Variants in WWP1 observed in about 807,000 individuals in gnomAD.
WWP1 encodes the protein WW domain containing E3 ubiquitin protein ligase 1, also known as NEDD4-like E3 ubiquitin-protein ligase WWP1.
A neutral mutation model predicts 130.6 loss-of-function variants in WWP1; 49 were observed. The observed-to-expected ratio is 0.38, with a 90% CI of 0.30 to 0.48. The LOEUF is 0.48. Among genes scored for constraint, WWP1 ranks in the 20% least tolerant of loss-of-function variants. WWP1 has a pLI of 0.99. For synonymous variants in WWP1, 332 were observed against 367.8 expected (o/e 0.90, Z 1.11); for missense variants, 809 against 1,100.6 (o/e 0.74, Z 3.75).
intron 5 of WWP1, among the ~76,000 whole-genome samples, chr8:86,396,678 C>T (rs905014156): frequency 2.0e-5 from 3 of 151,256 alleles, no homozygotes; most frequent in Admixed American, 6.6e-5. Context: ...GCTGCAGCCT[C>T]GAACTCCTGG....
At chr8:86,458,121 C>T (rs1811558114) in intron 22 of WWP1, 96 bp downstream of exon 22, 2 of 953,952 alleles carry the variant, frequency 2.1e-6, no homozygotes, top group Middle Eastern at 2.5e-4. Flanking sequence ...ATTGAGACTG[C>T]TTTTGGACAC....
At chr8:86,357,179 C>G (rs1159939532) in intron 1 of WWP1, among the ~76,000 whole-genome samples, 1 of 152,100 alleles carries the variant, frequency 6.6e-6, no homozygotes, top group Non-Finnish European at 1.5e-5. Flanking sequence ...TCAATATGTT[C>G]TATGTTCCAA....
rs1435944422 is a variant in WWP1 at position 86,425,245 on chromosome 8, C to G, written c.1084C>G (p.His362Asp). 1 of 1,611,430 alleles carries G rather than the reference C, an allele frequency of 6.2e-7. No homozygotes were observed. The highest frequency in any genetic ancestry group is 1.1e-5 in the South Asian group (1 of 90,318). The change falls in exon 10 of 25, where the codon CAT becomes GAT. Residue 362 changes from histidine to aspartate, a missense_variant. Physicochemically the swap from His to Asp is moderately conservative, Grantham distance 81 (BLOSUM62 -1). Transcript: ENST00000517970. ...AAGGTGGGAACAAAGAAAAGATCCTCATGGTAGAACCTATTATGTGGATCA... is the reference window on the plus strand; with the variant it reads ...AAGGTGGGAACAAAGAAAAGATCCTGATGGTAGAACCTATTATGTGGATCA... ...PSGWEQRKDPHGRTYYVDHNT... is the reference protein window; with the variant it reads ...PSGWEQRKDPDGRTYYVDHNT...
At chr8:86,448,762 G>A (rs577925558) in intron 20 of WWP1, among the ~76,000 whole-genome samples, 38 of 152,222 alleles carry the variant, frequency 2.5e-4, no homozygotes, top group South Asian at 1.2e-3. Flanking sequence ...GCTCACCACA[G>A]CCTGTTTCTT....
intron 5 of WWP1, chr8:86,386,725 G>C (rs1424978638): frequency 6.6e-6 from 1 of 152,138 alleles, no homozygotes; most frequent in Non-Finnish European, 1.5e-5. Flanking sequence ...GTATCATTCA[G>C]TTACAGGGAT....
intron 1 of WWP1, among the ~76,000 whole-genome samples, chr8:86,363,794 CAAA>C (rs375454489): frequency 1.6e-4 from 9 of 57,588 alleles, no homozygotes; most frequent in African/African-American, 6.6e-5. Flanking sequence ...GACTCCATCT[CAAA>C]AAAAAAAAAA....
At chr8:86,454,581 G>A (rs562928991) in intron 21 of WWP1, among the ~76,000 whole-genome samples, 1 of 152,152 alleles carries the variant, frequency 6.6e-6, no homozygotes, top group East Asian at 1.9e-4. Flanking sequence ...ATCTGAAGAT[G>A]GACATCTTGC....
chr8:86,430,798 C>CATATATATATAT (rs36226595), intron 12 of WWP1, 47 bp downstream of exon 12: 31 of 202,164 alleles, frequency 1.5e-4, no homozygotes, highest in Middle Eastern at 2.1e-3. Context: ...TATATCTCTC[C>CATATATATATAT]ATATATATAT....
chr8:86,386,746 C>A (rs2130399212), intron 5 of WWP1: 1 of 152,210 alleles, frequency 6.6e-6, no homozygotes, highest in Admixed American at 6.5e-5. Flanking sequence ...TCAATTTTTT[C>A]CGTAGATACT....
chr8:86,415,705 G>C (rs1020535895), intron 9 of WWP1, among the ~76,000 whole-genome samples: 1 of 152,096 alleles, frequency 6.6e-6, no homozygotes, highest in African/African-American at 2.4e-5. Flanking sequence ...TTCTACTATA[G>C]ATTAATTTTC....
chr8:86,406,460 A>T (rs1175152446), intron 8 of WWP1, among the ~76,000 whole-genome samples: 3 of 152,122 alleles, frequency 2.0e-5, no homozygotes, highest in Admixed American at 2.0e-4. Flanking sequence ...AGTTTATTAT[A>T]TTTTTTTCTT....
At chr8:86,423,538 G>A (rs1809354782) in intron 9 of WWP1, among the ~76,000 whole-genome samples, 1 of 152,166 alleles carries the variant, frequency 6.6e-6, no homozygotes, top group Admixed American at 6.5e-5. Context: ...CACAGGGTTG[G>A]GGGCAAGGTC....
In WWP1 at chr8:86,442,431, G is replaced by A. The variant is rs563683586; in HGVS notation, c.1839-188G>A. On this transcript the variant is annotated intron_variant, in intron 17 of 24. Coordinates refer to ENST00000517970, the MANE Select transcript of WWP1 (RefSeq NM_007013.4). ...AGTGAATTTGTAGTTTGGCCACATCGAAACTAGCAGGTAACTTAAATGGAG... is the reference window on the plus strand; with the variant it reads ...AGTGAATTTGTAGTTTGGCCACATCAAAACTAGCAGGTAACTTAAATGGAG... 15 of 425,680 alleles carry A rather than the reference G, an allele frequency of 3.5e-5. No homozygotes were observed. The South Asian group carries it at 3.8e-4, about 11-fold the overall frequency. 26.4% of individuals were successfully genotyped at this position (425,680 alleles called of 1,614,324 possible).
In WWP1 at chr8:86,354,779, A is replaced by G. The variant is rs184171306; in HGVS notation, c.-115+11849A>G. Among the ~76,000 whole-genome samples the G allele has an allele frequency of 2.6e-5, 4 of 152,156 alleles. No individual in the cohort carries two copies. The East Asian group carries it at 7.7e-4, about 29-fold the overall frequency. On this transcript the variant is annotated intron_variant, in intron 1 of 24. Coordinates refer to ENST00000517970, the MANE Select transcript of WWP1 (RefSeq NM_007013.4). Reference sequence around the variant, plus strand: ...TCTCTATATTGTTGTGGAAGTATGGAAGAAAAATATTGAGAGTTTTTGTGC... The same window carrying G: ...TCTCTATATTGTTGTGGAAGTATGGGAGAAAAATATTGAGAGTTTTTGTGC...
At position 86,411,691 on chromosome 8, in the gene WWP1, A is replaced by G. The variant is rs996685758; in HGVS notation, c.878A>G (p.Asn293Ser). 4 of 1,614,188 alleles carry G rather than the reference A, an allele frequency of 2.5e-6. No individual in the cohort carries two copies. Among genetic ancestry groups the G allele is most frequent in the South Asian group, 1.1e-5 (1 of 91,086 alleles). ...GAAATACTGACTTCCTCAGAAAACA[A>G]TGAATGTATTCCTTCTACCAGTGCA... ...VQEILTSSEN[N>S]ECIPSTSAEL... Residue 293 changes from asparagine to serine, a missense_variant, in exon 9 of 25, where the codon AAT (asparagine) becomes AGT (serine). This residue lies in a region of WWP1 where 262 missense variants were observed against 346.0 expected (regional missense o/e 0.76). Coordinates refer to ENST00000517970, the MANE Select transcript of WWP1 (RefSeq NM_007013.4).
At chr8:86,376,938 C>T (rs548017203) in intron 3 of WWP1, among the ~76,000 whole-genome samples, 1 of 152,250 alleles carries the variant, frequency 6.6e-6, no homozygotes, top group East Asian at 1.9e-4. Flanking sequence ...ACAATAACTT[C>T]TGCAATAAAG....
chr8:86,400,925 G>A (rs973441376), intron 7 of WWP1, among the ~76,000 whole-genome samples: 2 of 151,982 alleles, frequency 1.3e-5, no homozygotes, highest in Non-Finnish European at 2.9e-5. Flanking sequence ...CTGCTCTGTG[G>A]AGAGCAGTTA....
chr8:86,452,916 G>A (rs530204690), intron 21 of WWP1, among the ~76,000 whole-genome samples: 2 of 152,010 alleles, frequency 1.3e-5, no homozygotes, highest in South Asian at 4.2e-4. Flanking sequence ...ACTTGTTAGG[G>A]GTCTTGAAGA....
At chr8:86,362,602 T>G (rs982422563) in intron 1 of WWP1, among the ~76,000 whole-genome samples, 2 of 152,128 alleles carry the variant, frequency 1.3e-5, no homozygotes, top group African/African-American at 4.8e-5. Context: ...TTGTTTATTT[T>G]AAGTAGTACA....
Sources: allele counts gnomAD v4.1 joint callset (sites outside exome capture counted in the v4.1 genomes callset), GRCh38; gene constraint gnomAD v4.1.1; regional missense constraint gnomAD v4.1.1; transcripts MANE v1.5; gene names NCBI Gene and HGNC (gene_info 2026-07-23, HGNC 2026-07-21).